SPAG16: variants seen among roughly 807,000 people sequenced by gnomAD.
SPAG16 encodes sperm-associated antigen 16 protein.
SPAG16 carries 86 observed loss-of-function variants against 80.4 expected under a neutral mutation model. That is an observed-to-expected ratio of 1.07 (90% CI 0.90 to 1.28). The LOEUF (loss-of-function observed/expected upper bound fraction) is 1.28, where lower values mean the gene tolerates loss of function less well. Ranked by LOEUF, SPAG16 falls within the 50% of genes most tolerant of loss-of-function variation. The pLI is 0.00. For missense variants in SPAG16, 870 were observed against 765.3 expected (o/e 1.14, Z -1.61); for synonymous variants, 294 against 265.9 (o/e 1.11, Z -1.03).
In SPAG16 at chr2:213,307,355, C is replaced by T. The variant is rs12993729; in HGVS notation, c.280-2704C>T. On this transcript the variant is annotated intron_variant, in intron 3 of 15. Transcript: ENST00000331683. ...TATCTCCCAATGCTATCCCTCCCCC[C>T]TCCCCCCACCCCACAACAGTCCCCA... 2.9e-4 allele frequency among the ~76,000 whole-genome samples: 34 copies of T among 115,936 alleles called. 1 individual carries two copies. Among genetic ancestry groups the T allele is most frequent in the Admixed American group, 9.4e-5 (1 of 10,596 alleles). 76.1% of individuals were successfully genotyped at this position (115,936 alleles called of 152,430 possible).
intron 10 of SPAG16, among the ~76,000 whole-genome samples, chr2:213,757,537 C>T (rs901744395): frequency 1.3e-5 from 2 of 152,042 alleles, no homozygotes; most frequent in African/African-American, 4.8e-5. Context: ...TCTGTCTTCC[C>T]ACCTAGAGAA....
At chr2:213,819,821 A>G (rs796462385) in intron 10 of SPAG16, among the ~76,000 whole-genome samples, 2 of 152,080 alleles carry the variant, frequency 1.3e-5, no homozygotes, top group Admixed American at 1.3e-4. Flanking sequence ...CAATGGCACA[A>G]TCTCGGCTCA....
intron 10 of SPAG16, among the ~76,000 whole-genome samples, chr2:213,502,957 T>G (rs1180042455): frequency 2.0e-5 from 3 of 152,186 alleles, no homozygotes; most frequent in Non-Finnish European, 4.4e-5. Context: ...TCTAGTCAAG[T>G]CATATGTACA....
intron 15 of SPAG16, among the ~76,000 whole-genome samples, chr2:214,363,550 C>T (rs1699307201): frequency 6.6e-6 from 1 of 151,904 alleles, no homozygotes; most frequent in Non-Finnish European, 1.5e-5. Context: ...TAAAAACTGA[C>T]CCTGTCAACC....
At chr2:214,136,555 T>C (rs2055062297) in intron 14 of SPAG16, among the ~76,000 whole-genome samples, 1 of 152,208 alleles carries the variant, frequency 6.6e-6, no homozygotes, top group African/African-American at 2.4e-5. Flanking sequence ...ATTGGTGATA[T>C]GGTAGTTGTT....
chr2:213,543,436 C>A (rs1237299371), intron 10 of SPAG16, among the ~76,000 whole-genome samples: 1 of 151,740 alleles, frequency 6.6e-6, no homozygotes, highest in Admixed American at 6.6e-5. Flanking sequence ...TTTTAATGTA[C>A]CCAATTTTCC....
At chr2:213,415,200 T>C (rs1217937032) in intron 9 of SPAG16, among the ~76,000 whole-genome samples, 1 of 152,198 alleles carries the variant, frequency 6.6e-6, no homozygotes, top group African/African-American at 2.4e-5. Flanking sequence ...AAGGAGAGGC[T>C]GTGCCAGCAC....
intron 10 of SPAG16, among the ~76,000 whole-genome samples, chr2:213,504,158 G>C (rs1005336899): frequency 2.6e-5 from 4 of 152,154 alleles, no homozygotes; most frequent in Admixed American, 2.6e-4. Context: ...ACTATGCAGG[G>C]GCTCCATGCC....
intron 9 of SPAG16, among the ~76,000 whole-genome samples, chr2:213,467,016 A>G (rs1200360358): frequency 6.6e-6 from 1 of 152,202 alleles, no homozygotes; most frequent in Non-Finnish European, 1.5e-5. Flanking sequence ...TTAGCAAAGT[A>G]TAGGGATTGA....
intron 3 of SPAG16, among the ~76,000 whole-genome samples, chr2:213,304,694 A>G (rs2062869447): frequency 6.6e-6 from 1 of 152,052 alleles, no homozygotes; most frequent in Non-Finnish European, 1.5e-5. Context: ...CTGTAGACGT[A>G]TGGATGTGTT....
chr2:213,785,803 C>T (rs1252145013), intron 10 of SPAG16, among the ~76,000 whole-genome samples: 1 of 151,914 alleles, frequency 6.6e-6, no homozygotes, highest in Non-Finnish European at 1.5e-5. Context: ...GATCAAGAGA[C>T]TGAGAACATC....
At chr2:213,769,444 A>G (rs2069122467) in intron 10 of SPAG16, among the ~76,000 whole-genome samples, 1 of 152,166 alleles carries the variant, frequency 6.6e-6, no homozygotes, top group Admixed American at 6.6e-5. Flanking sequence ...CTTTTCTGGC[A>G]GTGGCATTGG....
intron 15 of SPAG16, among the ~76,000 whole-genome samples, chr2:214,206,319 C>T (rs539963381): frequency 3.9e-5 from 6 of 152,242 alleles, no homozygotes; most frequent in African/African-American, 9.6e-5. Context: ...ATCATTCTCC[C>T]CTCTACCTTC....
In SPAG16 at chr2:214,134,876, C is replaced by A. The variant is rs565824081; in HGVS notation, c.1594-14264C>A. Among the ~76,000 whole-genome samples, 13 of 152,264 alleles carry A rather than the reference C, an allele frequency of 8.5e-5. 1 individual carries two copies. In the South Asian group the frequency reaches 2.7e-3, roughly 32 times the overall value. ...CTTTGGAATTTTTACACATTGTTAA[C>A]CTCATCATTAATTCACCACATTCCC... On this transcript the variant is annotated intron_variant, in intron 14 of 15. Transcript: ENST00000331683.
At chr2:214,019,005 T>TA (rs1190671389) in intron 13 of SPAG16, among the ~76,000 whole-genome samples, 1 of 152,160 alleles carries the variant, frequency 6.6e-6, no homozygotes, top group Admixed American at 6.5e-5. Context: ...GGCTACAAAA[T>TA]AACTTGCAGT....
At chr2:213,446,083 G>A (rs1018258281) in intron 9 of SPAG16, among the ~76,000 whole-genome samples, 21 of 152,132 alleles carry the variant, frequency 1.4e-4, no homozygotes, top group African/African-American at 4.8e-4. Flanking sequence ...GAATATAAAA[G>A]CAGAAAGGCC....
chr2:214,248,354 T>C (rs1342811204), intron 15 of SPAG16, among the ~76,000 whole-genome samples: 1 of 150,180 alleles, frequency 6.7e-6, no homozygotes, highest in Admixed American at 6.7e-5. Flanking sequence ...AGTCTTGCTG[T>C]GTCGCCAGGC....
chr2:213,797,865 TAACTGTGTTTAGCATATGAGA>T (rs1342303401), intron 10 of SPAG16, among the ~76,000 whole-genome samples: 2 of 152,356 alleles, frequency 1.3e-5, no homozygotes, highest in Non-Finnish European at 2.9e-5. Flanking sequence ...CTTATAGGGT[TAACTGTGTTTAGCATATGAGA>T]AACTGGCAGA....
At chr2:214,061,456 A>T (rs2125180443) in intron 13 of SPAG16, among the ~76,000 whole-genome samples, 1 of 152,308 alleles carries the variant, frequency 6.6e-6, no homozygotes, top group Non-Finnish European at 1.5e-5. Flanking sequence ...GAGGCTGGCT[A>T]GTCCAAAATC....
Sources: gnomAD v4.1 joint callset for allele counts (sites outside exome capture counted in the v4.1 genomes callset) on GRCh38, gnomAD v4.1.1 for gene constraint, MANE v1.5 for transcripts, NCBI Gene and HGNC (gene_info 2026-07-23, HGNC 2026-07-21) for gene names.